The following DOCK4 variants were observed in gnomAD, a reference collection of about 807,000 sequenced individuals.
DOCK4 encodes dedicator of cytokinesis 4.
In DOCK4, 97 loss-of-function variants were observed where a neutral mutation model predicts 268.1. That is an observed-to-expected ratio of 0.36 (90% CI 0.31 to 0.43). The LOEUF (loss-of-function observed/expected upper bound fraction) is 0.43. Ranked by LOEUF, DOCK4 falls within the 20% of genes least tolerant of loss-of-function variation. The probability of loss-of-function intolerance (pLI) is 1.00; values close to 1 mark genes in which losing one functional copy is unlikely to be tolerated. For synonymous variants in DOCK4, 954 were observed against 887.2 expected, an observed-to-expected ratio of 1.08 and a Z score of -1.34; for missense variants, 2,145 against 2,455.7, an observed-to-expected ratio of 0.87 and a Z score of 2.67.
intron 1 of DOCK4, among the ~76,000 whole-genome samples, chr7:112,074,306 A>G (rs1446829681): frequency 3.3e-5 from 5 of 152,184 alleles, no homozygotes; most frequent in Non-Finnish European, 7.3e-5. Context: ...TTACTGTCAA[A>G]TGAGTTATAA....
Position 111,944,369 on chromosome 7 carries a change from T to G in DOCK4, c.844+442A>C, listed in dbSNP as rs544117869. 6.6e-5 allele frequency among the ~76,000 whole-genome samples: 10 copies of G among 152,334 alleles called. 1 individual carries two copies. In the South Asian group the frequency reaches 1.9e-3, roughly 28 times the overall value. ...AGTATTCAGTATTTCACAGGCTTTT[T>G]TTTTGTAGCACCTTCTGGAATAACG... is the stretch of plus-strand genomic sequence containing the variant. On this transcript the variant is annotated intron_variant, in intron 10 of 52. Coordinates refer to ENST00000428084, the MANE Select transcript of DOCK4 (RefSeq NM_001363540.2).
chr7:111,751,769 T>TA (rs528352869), intron 42 of DOCK4, among the ~76,000 whole-genome samples: 10 of 151,148 alleles, frequency 6.6e-5, no homozygotes, highest in Admixed American at 4.6e-4. Flanking sequence ...TTTTTTTTTT[T>TA]AAAAAAGAGG....
At chr7:111,890,474 T>C (rs192393701) in intron 16 of DOCK4, among the ~76,000 whole-genome samples, 71 of 152,328 alleles carry the variant, frequency 4.7e-4, no homozygotes, top group African/African-American at 1.7e-3. Flanking sequence ...ACAAAATCTC[T>C]AATGATAACT....
At chr7:111,954,137 A>C (rs764358802) in intron 8 of DOCK4, among the ~76,000 whole-genome samples, 1 of 152,192 alleles carries the variant, frequency 6.6e-6, no homozygotes, top group Non-Finnish European at 1.5e-5. Context: ...ATTCCAACTA[A>C]GAATGTATGA....
chr7:111,976,184 A>C (rs1798160318), intron 8 of DOCK4, among the ~76,000 whole-genome samples: 1 of 93,484 alleles, frequency 1.1e-5, no homozygotes, highest in Non-Finnish European at 2.0e-5. Flanking sequence ...ATATACACAC[A>C]CACACACGCA....
intron 13 of DOCK4, among the ~76,000 whole-genome samples, chr7:111,907,504 C>G: frequency 6.6e-6 from 1 of 152,126 alleles, no homozygotes; most frequent in East Asian, 1.9e-4. Flanking sequence ...TTGAGAGGTA[C>G]CAGTCCCTCC....
chr7:111,749,194 G>C (rs1050556155), intron 42 of DOCK4, among the ~76,000 whole-genome samples: 1 of 152,138 alleles, frequency 6.6e-6, no homozygotes, highest in Non-Finnish European at 1.5e-5. Context: ...TGGAAAACGG[G>C]TATTTACTTT....
chr7:111,757,910 T>C (rs115109855), intron 41 of DOCK4, among the ~76,000 whole-genome samples: 1,701 of 152,244 alleles, frequency 0.011, 34 homozygotes, highest in African/African-American at 0.037. Context: ...CACTATGTCA[T>C]TGTTTGCAAA....
chr7:111,755,463 C>T, intron 42 of DOCK4, 52 bp downstream of exon 42: 1 of 1,560,854 alleles, frequency 6.4e-7, no homozygotes, highest in Non-Finnish European at 8.8e-7. Flanking sequence ...GGCACAACTC[C>T]AAGTGAACAA....
intron 1 of DOCK4, among the ~76,000 whole-genome samples, chr7:112,053,835 T>TGAGGAGTA (rs1805579220): frequency 6.6e-6 from 1 of 152,026 alleles, no homozygotes; most frequent in Admixed American, 6.6e-5. Flanking sequence ...AGCACACAGG[T>TGAGGAGTA]GAGGAGTAGA....
At chr7:111,871,182 C>T (rs895552685) in intron 20 of DOCK4, among the ~76,000 whole-genome samples, 2 of 152,170 alleles carry the variant, frequency 1.3e-5, no homozygotes, top group Non-Finnish European at 2.9e-5. Context: ...AGGGAACAGT[C>T]AGGCATGTGC....
intron 15 of DOCK4, among the ~76,000 whole-genome samples, chr7:111,898,318 A>AG (rs1790838991): frequency 6.6e-6 from 1 of 152,240 alleles, no homozygotes; most frequent in Admixed American, 6.5e-5. Flanking sequence ...TCAATGGCTC[A>AG]GGCCTTCACT....
rs1218531726 is a variant in DOCK4, at chr7:111,900,417, T to C, written c.1437A>G (p.Lys479=). ...CGAAGCGGATGTGTGCACCCCGGAA[T>C]TTATCCACAGGAATGGGAAGTTTCA... The part of the protein sequence containing the change: ...ELLKLPIPVD[K]FRGAHIRFEF... The change falls in exon 15 of 53, where the codon AAA becomes AAG. Residue 479 remains lysine (K), a synonymous_variant. Transcript: ENST00000428084. 2 of 1,613,438 alleles carry C rather than the reference T, an allele frequency of 1.2e-6. No individual in the cohort carries two copies. Among genetic ancestry groups the C allele is most frequent in the Non-Finnish European group, 1.7e-6 (2 of 1,179,778 alleles).
chr7:111,752,399 G>T (rs942876387), intron 42 of DOCK4, among the ~76,000 whole-genome samples: 1 of 152,082 alleles, frequency 6.6e-6, no homozygotes, highest in East Asian at 1.9e-4. Context: ...ATCGGTGGGG[G>T]CGCTGAGGAG....
chr7:112,176,685 T>C (rs1402979136), intron 1 of DOCK4, among the ~76,000 whole-genome samples: 8 of 152,196 alleles, frequency 5.3e-5, no homozygotes, highest in Admixed American at 5.2e-4. Context: ...TAACACCAAG[T>C]CCTACTCAGT....
intron 13 of DOCK4, among the ~76,000 whole-genome samples, chr7:111,912,618 A>G (rs1792206651): frequency 6.6e-6 from 1 of 152,066 alleles, no homozygotes; most frequent in Admixed American, 6.6e-5. Context: ...GGAGGAGGAG[A>G]AGGAAAGAAG....
At chr7:112,162,265 C>A (rs1817194471) in intron 1 of DOCK4, among the ~76,000 whole-genome samples, 1 of 152,070 alleles carries the variant, frequency 6.6e-6, no homozygotes, top group South Asian at 2.1e-4. Context: ...TGCCTGCCAG[C>A]ACTCCTCCCC....
intron 2 of DOCK4, among the ~76,000 whole-genome samples, chr7:112,001,616 G>A (rs200946976): frequency 2.6e-5 from 4 of 151,208 alleles, no homozygotes; most frequent in Non-Finnish European, 3.0e-5. Flanking sequence ...AATAAGGAAA[G>A]AAAAAAAAAT....
rs149416376 is a variant in DOCK4, at chr7:112,192,073, GTATA to G, written c.37+14025_37+14028del. Reference sequence around the variant, plus strand: ...ATACAGTGTTTGTGCTTGTGTGTGTGTATATATATAGTGTGCATTTATATATAAT... The same window carrying G: ...ATACAGTGTTTGTGCTTGTGTGTGTGTATATAGTGTGCATTTATATATAAT... On this transcript the variant is annotated intron_variant, in intron 1 of 52. Transcript: ENST00000428084. Among the ~76,000 whole-genome samples the G allele has an allele frequency of 5.7e-3, 831 of 146,640 alleles. 5 individuals are homozygous for G. Among genetic ancestry groups the G allele is most frequent in the Non-Finnish European group, 8.8e-3 (591 of 66,938 alleles).
Sources: gnomAD v4.1 joint callset for allele counts (sites outside exome capture counted in the v4.1 genomes callset) on GRCh38, gnomAD v4.1.1 for gene constraint, MANE v1.5 for transcripts, NCBI Gene and HGNC (gene_info 2026-07-23, HGNC 2026-07-21) for gene names.